The following MGAT4C variants were observed in gnomAD, a reference collection of about 807,000 sequenced individuals.
MGAT4C encodes alpha-1,3-mannosyl-glycoprotein 4-beta-N-acetylglucosaminyltransferase C.
MGAT4C carries 19 observed loss-of-function variants against 40.1 expected under a neutral mutation model. The ratio of observed to expected loss-of-function variants is 0.47; its 90% CI spans 0.33 to 0.70. The LOEUF (loss-of-function observed/expected upper bound fraction) is 0.70, where lower values mean the gene tolerates loss of function less well. Ranked by LOEUF, MGAT4C falls within the 30% of genes least tolerant of loss-of-function variation. MGAT4C has a pLI of 0.02. For synonymous variants in MGAT4C, 181 were observed against 187.1 expected, an observed-to-expected ratio of 0.97 and a Z score of 0.27; for missense variants, 491 against 563.2, an observed-to-expected ratio of 0.87 and a Z score of 1.30.
At chr12:86,686,109 G>C (rs886945810) in intron 2 of MGAT4C, among the ~76,000 whole-genome samples, 1 of 151,574 alleles carries the variant, frequency 6.6e-6, no homozygotes, top group African/African-American at 2.4e-5. Context: ...TCGATCTCCT[G>C]ACCTCATGAT....
chr12:86,288,790 C>T (rs1953424812), intron 4 of MGAT4C, among the ~76,000 whole-genome samples: 1 of 151,954 alleles, frequency 6.6e-6, no homozygotes, highest in African/African-American at 2.4e-5. Context: ...TGTTTAAGCT[C>T]CTTAGAGATT....
chr12:86,000,789 A>G (rs1487743633), intron 2 of MGAT4C, among the ~76,000 whole-genome samples: 1 of 151,946 alleles, frequency 6.6e-6, no homozygotes, highest in African/African-American at 2.4e-5. Flanking sequence ...ATCTAAACAT[A>G]GCTAACCCAG....
Position 85,974,779 on chromosome 12 carries a change from A to C in MGAT4C, c.*4510T>G, listed in dbSNP as rs1244348827. ...AGAATAACCCCAATCTGAACAAAGA[A>C]ATTCAAAGTAATGGAAAACTCAACA... On this transcript the variant is annotated 3_prime_UTR_variant, in exon 5 of 5. Coordinates refer to ENST00000611864, the MANE Select transcript of MGAT4C (RefSeq NM_001351288.2). The C allele has an allele frequency of 6.6e-6, 1 of 150,704 alleles. No individual in the cohort carries two copies. The highest frequency in any genetic ancestry group is 2.4e-5 in the African/African-American group (1 of 41,272). The allele number at this position is 150,704 out of a possible 1,614,324, so 9.3% of individuals were successfully genotyped here.
intron 2 of MGAT4C, among the ~76,000 whole-genome samples, chr12:86,530,375 T>C (rs1958961061): frequency 6.6e-6 from 1 of 152,016 alleles, no homozygotes; most frequent in Non-Finnish European, 1.5e-5. Flanking sequence ...CTGAATCTTA[T>C]TTCTATCCCA....
chr12:86,598,505 G>A (rs1274403242), intron 2 of MGAT4C, among the ~76,000 whole-genome samples: 1 of 151,982 alleles, frequency 6.6e-6, no homozygotes, highest in Non-Finnish European at 1.5e-5. Flanking sequence ...TATAAGATTA[G>A]GAAAAGCTAG....
intron 1 of MGAT4C, among the ~76,000 whole-genome samples, chr12:86,073,941 G>C (rs1054493390): frequency 2.6e-5 from 4 of 152,122 alleles, no homozygotes; most frequent in Non-Finnish European, 5.9e-5. Context: ...GGCCAGGGGT[G>C]AAATTATATG....
chr12:86,576,119 TTA>T (rs1416719034), intron 2 of MGAT4C, among the ~76,000 whole-genome samples: 5 of 151,852 alleles, frequency 3.3e-5, no homozygotes, highest in Non-Finnish European at 4.4e-5. Context: ...TCTGCCACTT[TTA>T]TGTTTCCTTT....
chr12:86,098,031 TAG>T (rs1413487009), intron 1 of MGAT4C, among the ~76,000 whole-genome samples: 4 of 151,658 alleles, frequency 2.6e-5, no homozygotes, highest in African/African-American at 7.2e-5. Context: ...TATCAGTTAA[TAG>T]AGTCTTTCTC....
At chr12:86,772,093 A>T (rs895114843) in intron 1 of MGAT4C, among the ~76,000 whole-genome samples, 9 of 152,162 alleles carry the variant, frequency 5.9e-5, no homozygotes, top group African/African-American at 2.2e-4. Context: ...CCTGTTCTGG[A>T]GGAAACATCA....
chr12:86,751,373 C>A (rs1433364069), intron 1 of MGAT4C, among the ~76,000 whole-genome samples: 2 of 151,890 alleles, frequency 1.3e-5, no homozygotes, highest in African/African-American at 4.8e-5. Flanking sequence ...GTACTTTTAA[C>A]GAACATTAAC....
chr12:86,216,714 A>T (rs1481511832), intron 1 of MGAT4C, among the ~76,000 whole-genome samples: 2 of 152,164 alleles, frequency 1.3e-5, no homozygotes, highest in East Asian at 3.8e-4. Context: ...TGTTAGAAAA[A>T]CTAACCTGAA....
chr12:86,139,705 T>C (rs1050931264), intron 1 of MGAT4C, among the ~76,000 whole-genome samples: 6 of 152,148 alleles, frequency 3.9e-5, no homozygotes, highest in Non-Finnish European at 8.8e-5. Flanking sequence ...TATACAAATA[T>C]AAGAGTTTCT....
At chr12:86,636,384 T>C (rs1245029148) in intron 2 of MGAT4C, among the ~76,000 whole-genome samples, 2 of 152,036 alleles carry the variant, frequency 1.3e-5, no homozygotes, top group Non-Finnish European at 2.9e-5. Flanking sequence ...GTGTCAATAG[T>C]ACTCTAGGAT....
chr12:86,480,662 ATG>A, intron 2 of MGAT4C, among the ~76,000 whole-genome samples: 1 of 151,612 alleles, frequency 6.6e-6, no homozygotes, highest in Non-Finnish European at 1.5e-5. Flanking sequence ...ATATGTACGT[ATG>A]TGTGTATATA....
rs114981085 is a variant in MGAT4C at position 86,664,992 on chromosome 12, T to C, written c.-229+62217A>G. On this transcript the variant is annotated intron_variant, in intron 2 of 7. Coordinates refer to the MGAT4C transcript ENST00000548651. ...TCCCTCATTTTATGCTTGATGATCATTGAAGCAATGTAAGTTGCCTTCAGT... is the reference window on the plus strand; with the variant it reads ...TCCCTCATTTTATGCTTGATGATCACTGAAGCAATGTAAGTTGCCTTCAGT... 3.8e-3 allele frequency among the ~76,000 whole-genome samples: 584 copies of C among 152,260 alleles called. 3 individuals carry two copies. Among genetic ancestry groups the C allele is most frequent in the African/African-American group, 0.014 (569 of 41,542 alleles).
chr12:86,131,013 A>T (rs1185685944), intron 1 of MGAT4C, among the ~76,000 whole-genome samples: 1 of 152,062 alleles, frequency 6.6e-6, no homozygotes, highest in Non-Finnish European at 1.5e-5. Flanking sequence ...TAACTAATTC[A>T]TACTTTGTTA....
intron 2 of MGAT4C, among the ~76,000 whole-genome samples, chr12:86,530,043 A>G (rs565316216): frequency 6.6e-6 from 1 of 152,036 alleles, no homozygotes; most frequent in African/African-American, 2.4e-5. Context: ...TAATTTATTT[A>G]GTTTTAAAAA....
At chr12:86,368,003 CT>C (rs1250026819) in intron 3 of MGAT4C, among the ~76,000 whole-genome samples, 1 of 152,096 alleles carries the variant, frequency 6.6e-6, no homozygotes, top group Non-Finnish European at 1.5e-5. Flanking sequence ...CTTACAGTAT[CT>C]TTTTAAATGA....
intron 3 of MGAT4C, among the ~76,000 whole-genome samples, chr12:86,388,933 C>T (rs946741070): frequency 6.6e-6 from 1 of 152,096 alleles, no homozygotes. Context: ...ATCCGCTTGC[C>T]TCGGCCTCCC....
Sources: gnomAD v4.1 joint callset for allele counts (sites outside exome capture counted in the v4.1 genomes callset) on GRCh38, gnomAD v4.1.1 for gene constraint, MANE v1.5 for transcripts, NCBI Gene and HGNC (gene_info 2026-07-23, HGNC 2026-07-21) for gene names.